Variants in PASK observed in about 807,000 individuals in gnomAD.
The protein encoded by PASK is PAS domain containing serine/threonine kinase, also known as PAS domain-containing serine/threonine-protein kinase.
PASK carries 110 observed loss-of-function variants against 121.0 expected under a neutral mutation model. The observed-to-expected ratio is 0.91, with a 90% CI of 0.78 to 1.06. The LOEUF is 1.06. Ranked by LOEUF, PASK falls within the 50% of genes least tolerant of loss-of-function variation. The pLI, the probability that PASK is intolerant of heterozygous loss-of-function variation, is 0.00. For synonymous variants in PASK, 686 were observed against 717.8 expected, an observed-to-expected ratio of 0.96 and a Z score of 0.71; for missense variants, 1,643 against 1,702.3, an observed-to-expected ratio of 0.97 and a Z score of 0.61.
In PASK at chr2:241,140,508, G is replaced by A. The variant is rs1245131745; in HGVS notation, c.429+13C>T. 1.3e-6 allele frequency: 2 copies of A among 1,556,890 alleles called. No individual in the cohort carries two copies. The highest frequency in any genetic ancestry group is 1.8e-6 in the Non-Finnish European group (2 of 1,131,060). On this transcript the variant is annotated intron_variant, in intron 3 of 17. Coordinates refer to ENST00000234040, the MANE Select transcript of PASK (RefSeq NM_015148.4). Reference sequence around the variant, plus strand: ...CACATCTACACAGCTGGATCTAAAAGAGAAGCAAATACCTCTGTGGTCTTG... The same window carrying A: ...CACATCTACACAGCTGGATCTAAAAAAGAAGCAAATACCTCTGTGGTCTTG...
chr2:241,143,123 A>G (rs563576912), intron 1 of PASK, 49 bp from the exon 2 acceptor site: 24 of 984,692 alleles, frequency 2.4e-5, no homozygotes, highest in Non-Finnish European at 3.5e-5. Context: ...AAAAACACAA[A>G]GACAGTTTAA....
intron 12 of PASK, 21 bp downstream of exon 12, chr2:241,122,711 C>T (rs1272588952): frequency 1.9e-6 from 3 of 1,595,602 alleles, no homozygotes; most frequent in Non-Finnish European, 2.6e-6. Context: ...CGGCGCCACT[C>T]CCCCCCCACA....
At chr2:241,116,602 AT>A (rs2065381000) in intron 12 of PASK, among the ~76,000 whole-genome samples, 2 of 152,262 alleles carry the variant, frequency 1.3e-5, no homozygotes, top group Non-Finnish European at 2.9e-5. Flanking sequence ...TGACTCTGAG[AT>A]TAATCAGACT....
chr2:241,118,098 T>G (rs562279712), intron 12 of PASK, among the ~76,000 whole-genome samples: 3 of 152,112 alleles, frequency 2.0e-5, no homozygotes, highest in Admixed American at 2.0e-4. Flanking sequence ...GAGCTACAGA[T>G]TCAATGTGAT....
chr2:241,141,230 C>G (rs1245038804), intron 2 of PASK, among the ~76,000 whole-genome samples: 2 of 152,150 alleles, frequency 1.3e-5, no homozygotes, highest in African/African-American at 4.8e-5. Context: ...GAGACTGCAG[C>G]GAGCTATGAC....
chr2:241,141,980 T>G (rs570935336), intron 2 of PASK, among the ~76,000 whole-genome samples: 6 of 151,780 alleles, frequency 4.0e-5, no homozygotes, highest in Non-Finnish European at 7.4e-5. Context: ...AGAATGATGC[T>G]CCAAAAAAGG....
Position 241,108,232 on chromosome 2 carries a change from T to A in PASK, c.3602A>T (p.Asn1201Ile). Reference sequence around the variant, plus strand: ...GGTCTCCTCCAGCTCACAGAAGGGGTTCTCCTCAAAGACCAGCGTGTACAG... The same window carrying A: ...GGTCTCCTCCAGCTCACAGAAGGGGATCTCCTCAAAGACCAGCGTGTACAG... Reference protein sequence around the residue: ...VTLYTLVFEENPFCELEETVE... With the variant: ...VTLYTLVFEEIPFCELEETVE... The change falls in exon 16 of 18, where the codon AAC (asparagine) becomes ATC (isoleucine). Residue 1201 changes from asparagine to isoleucine, a missense_variant. Physicochemically the swap from Asn to Ile is moderately radical, Grantham distance 149. Around this residue, in one of 3 missense-constraint regions of PASK, gnomAD observed 453 missense variants for 511.2 expected, o/e 0.89. Transcript: ENST00000234040. This position sits in a 1 kb window ranked among gnomAD's most constrained non-coding sequence, Gnocchi z 5.2. 6.2e-7 allele frequency: 1 copy of A among 1,613,090 alleles called. No individual in the cohort carries two copies. The highest frequency in any genetic ancestry group is 8.5e-7 in the Non-Finnish European group (1 of 1,179,654).
chr2:241,114,997 C>A (rs766190170), intron 14 of PASK, 46 bp downstream of exon 14: 1 of 1,613,784 alleles, frequency 6.2e-7, no homozygotes. Flanking sequence ...CGGACCCAGG[C>A]ACCCAGGCCT....
chr2:241,131,479 T>A (rs2066129678), intron 9 of PASK, among the ~76,000 whole-genome samples: 1 of 152,162 alleles, frequency 6.6e-6, no homozygotes, highest in East Asian at 1.9e-4. Flanking sequence ...CATACATACA[T>A]ACTTTATATG....
chr2:241,115,448 G>A (rs1350441383), intron 12 of PASK, 35 bp from the exon 13 acceptor site: 4 of 1,612,536 alleles, frequency 2.5e-6, no homozygotes, highest in African/African-American at 1.3e-5. Flanking sequence ...GAAATAGCTG[G>A]AGCCAGTCCT....
rs751298156 is a variant in PASK at position 241,142,942 on chromosome 2, C to G, written c.91G>C (p.Ala31Pro). ...CTGCTGGGCTCAGCAGTGGTCTGTG[C>G]AGCTGGGCCCTCTGCTGACACTGGC... Reference protein sequence around the residue: ...PLPVSAEGPAAQTTAEPSRSF... With the variant: ...PLPVSAEGPAPQTTAEPSRSF... The change falls in exon 2 of 18, where the codon GCA (alanine) becomes CCA (proline). Residue 31 changes from alanine to proline, a missense_variant. Ala to Pro is a conservative substitution (Grantham distance 27, BLOSUM62 -1). Around this residue, in one of 3 missense-constraint regions of PASK, gnomAD observed 1,176 missense variants for 1,162.2 expected, o/e 1.01. Coordinates refer to ENST00000234040, the MANE Select transcript of PASK (RefSeq NM_015148.4). 4.3e-6 allele frequency: 7 copies of G among 1,613,686 alleles called. No homozygotes were observed. The highest frequency in any genetic ancestry group is 1.6e-4 in the Middle Eastern group (1 of 6,084).
chr2:241,107,511 A>G lies in PASK; in HGVS notation c.3668-12T>C, dbSNP rs748529501. The G allele has an allele frequency of 1.9e-6, 3 of 1,613,190 alleles. No homozygotes were observed. The South Asian group carries it at 3.3e-5, about 18-fold the overall frequency. Reference sequence around the variant, plus strand: ...AAGGCTCATGAGTTCTGGGGACACAAAGAACACAGATGGTAGGTCCAGATT... The same window carrying G: ...AAGGCTCATGAGTTCTGGGGACACAGAGAACACAGATGGTAGGTCCAGATT... On this transcript the variant is annotated splice_polypyrimidine_tract_variant and intron_variant, in intron 16 of 17. Coordinates refer to ENST00000234040, the MANE Select transcript of PASK (RefSeq NM_015148.4).
chr2:241,137,282 C>T lies in PASK; in HGVS notation c.877-18G>A, dbSNP rs771038090. 8.7e-6 allele frequency: 14 copies of T among 1,611,590 alleles called. No individual in the cohort carries two copies. Among genetic ancestry groups the T allele is most frequent in the South Asian group, 3.3e-5 (3 of 91,004 alleles). ...TTGAGATTCTGAAAGAAAGGCTTGT[C>T]GTTTGGCTTAAGCCGTGTTTCACGT... is the stretch of plus-strand genomic sequence containing the variant. On this transcript the variant is annotated intron_variant, in intron 6 of 17. Transcript: ENST00000234040.
chr2:241,135,297 CAG>C (rs1412015783), intron 8 of PASK, among the ~76,000 whole-genome samples: 2 of 152,196 alleles, frequency 1.3e-5, no homozygotes, highest in Non-Finnish European at 2.9e-5. Flanking sequence ...TCAGTACACT[CAG>C]GGGATGGGTT....
intron 9 of PASK, among the ~76,000 whole-genome samples, chr2:241,128,651 G>A (rs1163918797): frequency 1.3e-5 from 2 of 152,192 alleles, no homozygotes; most frequent in East Asian, 3.8e-4. Context: ...GTGGGAGGCT[G>A]AGCCCAGGAG....
At position 241,107,422 on chromosome 2, in the gene PASK, G is replaced by C. The variant is rs762120380; in HGVS notation, c.3745C>G (p.Pro1249Ala). Residue 1249 changes from proline (P) to alanine (A), a missense_variant, in exon 17 of 18, where the codon CCG (proline) becomes GCG (alanine). Around this residue, in one of 3 missense-constraint regions of PASK, gnomAD observed 453 missense variants for 511.2 expected, o/e 0.89. Transcript: ENST00000234040. ...AGATTCACAGGCTGTGTTACCCACGGGTCTGTCACCAGCTTCTCCAAGGTG... is the reference window on the plus strand; with the variant it reads ...AGATTCACAGGCTGTGTTACCCACGCGTCTGTCACCAGCTTCTCCAAGGTG... Reference protein sequence around the residue: ...RTTLEKLVTDPWVTQPVNLAD... With the variant: ...RTTLEKLVTDAWVTQPVNLAD... The C allele has an allele frequency of 5.6e-6, 9 of 1,613,814 alleles. No individual in the cohort carries two copies. Among genetic ancestry groups the C allele is most frequent in the Non-Finnish European group, 6.8e-6 (8 of 1,179,720 alleles).
At chr2:241,144,641 G>C (rs1405389034) in intron 1 of PASK, among the ~76,000 whole-genome samples, 1 of 152,216 alleles carries the variant, frequency 6.6e-6, no homozygotes, top group Non-Finnish European at 1.5e-5. Flanking sequence ...TGAACTGGCT[G>C]AGGAGCAGCC....
intron 12 of PASK, among the ~76,000 whole-genome samples, chr2:241,116,209 T>C (rs957046592): frequency 4.0e-5 from 6 of 151,880 alleles, no homozygotes; most frequent in East Asian, 1.9e-4. Flanking sequence ...AGGGCCACCA[T>C]TGGTCCATGC....
chr2:241,107,044 C>T (rs1312336334), intron 17 of PASK, among the ~76,000 whole-genome samples: 1 of 152,184 alleles, frequency 6.6e-6, no homozygotes, highest in Non-Finnish European at 1.5e-5. Context: ...CCCAGTCAGA[C>T]CATCACCAGC....
Sources: gnomAD v4.1 joint callset for allele counts (sites outside exome capture counted in the v4.1 genomes callset) on GRCh38, gnomAD v4.1.1 for gene constraint, gnomAD v4.1.1 regional missense constraint, Gnocchi (gnomAD v3.1) non-coding constraint, MANE v1.5 for transcripts, NCBI Gene and HGNC (gene_info 2026-07-23, HGNC 2026-07-21) for gene names.